Variants in PHTF2 observed in about 807,000 individuals in gnomAD.
PHTF2 encodes putative homeodomain transcription factor 2, also known as protein PHTF2.
Under a neutral mutation model 101.2 loss-of-function variants are expected in PHTF2, and 60 were observed. That is an observed-to-expected ratio of 0.59 (90% CI 0.48 to 0.73). The LOEUF is 0.73. Ranked by LOEUF, PHTF2 falls within the 30% of genes least tolerant of loss-of-function variation. The pLI, the probability that PHTF2 is intolerant of heterozygous loss-of-function variation, is 0.00. For synonymous variants in PHTF2, 311 were observed against 307.3 expected, an observed-to-expected ratio of 1.01 and a Z score of -0.13; for missense variants, 747 against 908.7, an observed-to-expected ratio of 0.82 and a Z score of 2.29.
At chr7:77,873,332 C>G (rs1451626571) in intron 3 of PHTF2, among the ~76,000 whole-genome samples, 1 of 152,174 alleles carries the variant, frequency 6.6e-6, no homozygotes, top group Non-Finnish European at 1.5e-5. Flanking sequence ...TTCCTTCCGC[C>G]GTTATCCCAC....
chr7:77,871,741 A>T (rs1344669021), intron 3 of PHTF2, among the ~76,000 whole-genome samples: 2 of 152,208 alleles, frequency 1.3e-5, no homozygotes, highest in Admixed American at 6.5e-5. Flanking sequence ...GTGTCAATCC[A>T]GCTGCTTCAG....
intron 1 of PHTF2, among the ~76,000 whole-genome samples, chr7:77,801,170 C>A (rs926891280): frequency 8.5e-5 from 13 of 152,138 alleles, no homozygotes; most frequent in Non-Finnish European, 1.8e-4. Flanking sequence ...GATATTTGAA[C>A]AAATGACGAT....
At chr7:77,879,988 G>C (rs1434141940) in intron 3 of PHTF2, among the ~76,000 whole-genome samples, 2 of 152,096 alleles carry the variant, frequency 1.3e-5, no homozygotes, top group Non-Finnish European at 2.9e-5. Context: ...AAATGTTAAA[G>C]TGATACATAT....
At position 77,877,191 on chromosome 7, in the gene PHTF2, C is replaced by G. The variant is rs187393926; in HGVS notation, c.148-16417C>G. 9.7e-4 allele frequency among the ~76,000 whole-genome samples: 147 copies of G among 151,048 alleles called. 1 individual carries two copies. The highest frequency in any genetic ancestry group is 3.4e-3 in the African/African-American group (138 of 41,136). On this transcript the variant is annotated intron_variant, in intron 3 of 19. Transcript: ENST00000416283. ...AGTGCAGTGGCACAATCTTGGCTCA[C>G]TGCAACCTCCACCTCCTGGGTTCAA... is the stretch of plus-strand genomic sequence containing the variant.
intron 3 of PHTF2, among the ~76,000 whole-genome samples, chr7:77,856,781 A>G (rs567139877): frequency 4.6e-4 from 70 of 152,172 alleles, no homozygotes; most frequent in Non-Finnish European, 8.7e-4. Context: ...TAGAGATTAT[A>G]TAAAGTATAT....
chr7:77,820,912 T>C (rs953681251), intron 1 of PHTF2, among the ~76,000 whole-genome samples: 13 of 152,180 alleles, frequency 8.5e-5, no homozygotes, highest in Non-Finnish European at 1.8e-4. Flanking sequence ...TCTTTCTTCT[T>C]TATCAACTCT....
chr7:77,835,285 A>C (rs1795367203), intron 1 of PHTF2, among the ~76,000 whole-genome samples: 1 of 151,698 alleles, frequency 6.6e-6, no homozygotes, highest in East Asian at 1.9e-4. Context: ...AAAAAAAAAA[A>C]AAACAAGAAA....
At chr7:77,823,555 T>A (rs577586195) in intron 1 of PHTF2, among the ~76,000 whole-genome samples, 1 of 152,376 alleles carries the variant, frequency 6.6e-6, no homozygotes, top group South Asian at 2.1e-4. Context: ...TGGAGTTATT[T>A]GAACACCATG....
intron 9 of PHTF2, among the ~76,000 whole-genome samples, chr7:77,917,723 C>CT (rs566098950): frequency 2.0e-5 from 3 of 152,184 alleles, no homozygotes; most frequent in Non-Finnish European, 4.4e-5. Flanking sequence ...CCATTATTGA[C>CT]TATCACTGGG....
exon 19 of PHTF2, chr7:77,953,894 G>A (rs778447465): frequency 1.9e-6 from 3 of 1,611,896 alleles, no homozygotes; most frequent in Non-Finnish European, 1.7e-6. Context: ...TTAATTTAAA[G>A]GTAAGAGGTT....
intron 12 of PHTF2, among the ~76,000 whole-genome samples, chr7:77,931,182 G>GGA (rs1408182815): frequency 2.0e-5 from 3 of 152,032 alleles, no homozygotes; most frequent in Non-Finnish European, 4.4e-5. Flanking sequence ...AGAAAATACA[G>GGA]GAGAAAAATC....
At chr7:77,871,272 G>T (rs1161984143) in intron 3 of PHTF2, among the ~76,000 whole-genome samples, 1 of 152,154 alleles carries the variant, frequency 6.6e-6, no homozygotes, top group Non-Finnish European at 1.5e-5. Flanking sequence ...AATGGATCTT[G>T]TGTATTCCAT....
intron 3 of PHTF2, among the ~76,000 whole-genome samples, chr7:77,887,200 G>T (rs1195249649): frequency 6.6e-6 from 1 of 151,930 alleles, no homozygotes; most frequent in South Asian, 2.1e-4. Flanking sequence ...ATTTAATATA[G>T]CATATTAGCT....
chr7:77,896,482 A>T lies in PHTF2; in HGVS notation c.216+2489A>T, dbSNP rs550960494. ...ACCAGGAGGATCACTTGAGCCCAGG[A>T]GTTCGAGGCTGTAGTGAGCCATGAT... On this transcript the variant is annotated intron_variant, in intron 5 of 19. Transcript: ENST00000416283. Among the ~76,000 whole-genome samples, 8 of 152,308 alleles carry T rather than the reference A, an allele frequency of 5.3e-5. No homozygotes were observed. In the South Asian group the frequency reaches 1.7e-3, roughly 32 times the overall value.
At position 77,838,581 on chromosome 7, in the gene PHTF2, T is replaced by C. The variant is rs186822339; in HGVS notation, c.-35-1640T>C. Among the ~76,000 whole-genome samples, 3 of 152,298 alleles carry C rather than the reference T, an allele frequency of 2.0e-5. No individual in the cohort carries two copies. The East Asian group carries it at 5.8e-4, about 29-fold the overall frequency. On this transcript the variant is annotated intron_variant, in intron 1 of 19. Coordinates refer to ENST00000416283, the Ensembl canonical transcript of PHTF2. ...TGAAAACCTACTGTATGTCCTGGAC[T>C]GTGGCAGGCATCTTATATATATTAT...
chr7:77,916,377 C>T (rs1214218375), intron 9 of PHTF2, among the ~76,000 whole-genome samples: 1 of 152,144 alleles, frequency 6.6e-6, no homozygotes, highest in Non-Finnish European at 1.5e-5. Context: ...CCAATACTGT[C>T]CCTTTGAGGT....
At chr7:77,838,515 G>A (rs1446942736) in intron 1 of PHTF2, among the ~76,000 whole-genome samples, 1 of 152,102 alleles carries the variant, frequency 6.6e-6, no homozygotes, top group Non-Finnish European at 1.5e-5. Context: ...CTAGATTGGG[G>A]AATTTTTTAT....
chr7:77,812,788 A>G (rs1292218401), intron 1 of PHTF2, among the ~76,000 whole-genome samples: 1 of 152,004 alleles, frequency 6.6e-6, no homozygotes, highest in African/African-American at 2.4e-5. Context: ...ATGGGGTTTC[A>G]CTGTGTTAGC....
chr7:77,840,195 T>G, intron 1 of PHTF2, 26 bp from the exon 2 acceptor site: 1 of 1,200,486 alleles, frequency 8.3e-7, no homozygotes, highest in Non-Finnish European at 1.2e-6. Context: ...AATAAAGTCA[T>G]TTGTATGTTT....
Sources: allele counts gnomAD v4.1 joint callset (sites outside exome capture counted in the v4.1 genomes callset), GRCh38; gene constraint gnomAD v4.1.1; transcripts MANE v1.5; gene names NCBI Gene and HGNC (gene_info 2026-07-23, HGNC 2026-07-21).